The following ARHGAP6 variants were observed in gnomAD, a reference collection of about 807,000 sequenced individuals.
ARHGAP6 encodes Rho GTPase activating protein 6.
ARHGAP6 carries 16 observed loss-of-function variants against 55.7 expected under a neutral mutation model. The observed-to-expected ratio is 0.29, with a 90% CI of 0.19 to 0.44. ARHGAP6 has a LOEUF of 0.44. Among genes scored for constraint, ARHGAP6 ranks in the 20% least tolerant of loss-of-function variants. The pLI, the probability that ARHGAP6 is intolerant of heterozygous loss-of-function variation, is 1.00. For missense variants in ARHGAP6, 698 were observed against 808.9 expected, an observed-to-expected ratio of 0.86 and a Z score of 1.66; for synonymous variants, 382 against 360.9, an observed-to-expected ratio of 1.06 and a Z score of -0.66.
intron 1 of ARHGAP6, among the ~76,000 whole-genome samples, chrX:11,638,246 CAA>C (rs749055109): frequency 1.8e-3 from 201 of 111,651 alleles, no homozygotes; most frequent in Non-Finnish European, 3.2e-3. Flanking sequence ...AAGAAAATGA[CAA>C]AGTCAAAAAA....
chrX:11,435,291 G>C (rs910673965), intron 1 of ARHGAP6, among the ~76,000 whole-genome samples: 5 of 112,484 alleles, frequency 4.4e-5, no homozygotes, highest in Non-Finnish European at 9.4e-5. Flanking sequence ...CTAAGCATCA[G>C]ACTGGGACTT....
chrX:11,273,120 C>T (rs901566220), intron 1 of ARHGAP6, among the ~76,000 whole-genome samples: 1 of 110,561 alleles, frequency 9.0e-6, no homozygotes, highest in Admixed American at 9.6e-5. Flanking sequence ...CCTCCCCAAA[C>T]CTCACCCTTT....
At chrX:11,248,391 T>TAAAAAGAAA in intron 2 of ARHGAP6, among the ~76,000 whole-genome samples, 1 of 111,297 alleles carries the variant, frequency 9.0e-6, no homozygotes, top group East Asian at 2.8e-4. Flanking sequence ...CAAAAGCAAA[T>TAAAAAGAAA]GCAATAAAAA....
intron 9 of ARHGAP6, among the ~76,000 whole-genome samples, chrX:11,157,433 G>A (rs1198545302): frequency 8.9e-6 from 1 of 111,847 alleles, no homozygotes; most frequent in Non-Finnish European, 1.9e-5. Context: ...ATCCAGTAGA[G>A]TTCTATAGAT....
At chrX:11,528,990 C>T (rs1239520210) in intron 1 of ARHGAP6, among the ~76,000 whole-genome samples, 1 of 112,055 alleles carries the variant, frequency 8.9e-6, no homozygotes, top group Non-Finnish European at 1.9e-5. Context: ...TCTAGACTTT[C>T]TATCCCTGAA....
At chrX:11,578,959 T>C (rs1033974788) in intron 1 of ARHGAP6, among the ~76,000 whole-genome samples, 6 of 99,894 alleles carry the variant, frequency 6.0e-5, no homozygotes, top group African/African-American at 2.3e-4. Flanking sequence ...ATGTTTTCAC[T>C]CATAGATGAG....
intron 1 of ARHGAP6, among the ~76,000 whole-genome samples, chrX:11,586,915 T>C (rs755958851): frequency 8.9e-6 from 1 of 112,235 alleles, no homozygotes; most frequent in African/African-American, 3.2e-5. Context: ...TTCTAGGTAA[T>C]TTTAATCTTT....
At chrX:11,617,172 T>C (rs1259875487) in intron 1 of ARHGAP6, among the ~76,000 whole-genome samples, 1 of 112,222 alleles carries the variant, frequency 8.9e-6, no homozygotes, top group Non-Finnish European at 1.9e-5. Flanking sequence ...CTCATTGATA[T>C]TTTTATATTG....
intron 1 of ARHGAP6, among the ~76,000 whole-genome samples, chrX:11,502,890 CT>C (rs1192505358): frequency 9.1e-6 from 1 of 109,447 alleles, no homozygotes; most frequent in Non-Finnish European, 1.9e-5. Context: ...TGCAGATTTT[CT>C]TTTTTTTCTT....
At chrX:11,356,665 T>C (rs2048934391) in intron 1 of ARHGAP6, among the ~76,000 whole-genome samples, 1 of 111,653 alleles carries the variant, frequency 9.0e-6, no homozygotes, top group Non-Finnish European at 1.9e-5. Context: ...CTTTTTAAAA[T>C]ATACTTTTTA....
intron 1 of ARHGAP6, among the ~76,000 whole-genome samples, chrX:11,485,774 C>T (rs925408363): frequency 9.0e-5 from 10 of 111,335 alleles, no homozygotes; most frequent in Middle Eastern, 9.2e-3. Flanking sequence ...TTTGCAGGTT[C>T]GTGAGGAAGG....
intron 1 of ARHGAP6, among the ~76,000 whole-genome samples, chrX:11,279,748 A>G (rs1390318516): frequency 9.0e-6 from 1 of 111,434 alleles, no homozygotes; most frequent in Non-Finnish European, 1.9e-5. Context: ...TGCCAAGTGC[A>G]TCACATTAAT....
intron 1 of ARHGAP6, among the ~76,000 whole-genome samples, chrX:11,363,413 G>C (rs1187984162): frequency 8.9e-6 from 1 of 112,143 alleles, no homozygotes; most frequent in Non-Finnish European, 1.9e-5. Flanking sequence ...TCAATATTTA[G>C]CTCAGGCCAA....
At chrX:11,414,843 C>A (rs1371329370) in intron 1 of ARHGAP6, among the ~76,000 whole-genome samples, 1 of 111,729 alleles carries the variant, frequency 9.0e-6, no homozygotes, top group African/African-American at 3.2e-5. Context: ...ATTCAGAAAT[C>A]TTTTAAAAGT....
intron 1 of ARHGAP6, among the ~76,000 whole-genome samples, chrX:11,429,525 A>G (rs900339275): frequency 8.9e-6 from 1 of 112,409 alleles, no homozygotes; most frequent in Non-Finnish European, 1.9e-5. Context: ...TAAAAATAAA[A>G]ATAAATTTAA....
chrX:11,312,673 G>C (rs970094912), intron 1 of ARHGAP6, among the ~76,000 whole-genome samples: 28 of 111,716 alleles, frequency 2.5e-4, no homozygotes, highest in African/African-American at 9.1e-4. Context: ...CGCTTAATCA[G>C]TGTTGTTGTG....
chrX:11,512,941 C>T (rs776098346), intron 1 of ARHGAP6, among the ~76,000 whole-genome samples: 3 of 111,962 alleles, frequency 2.7e-5, no homozygotes, highest in African/African-American at 6.5e-5. Context: ...ACATCAATAG[C>T]TAACTGAAAC....
At chrX:11,593,048 T>C (rs1209916591) in intron 1 of ARHGAP6, among the ~76,000 whole-genome samples, 1 of 112,319 alleles carries the variant, frequency 8.9e-6, no homozygotes, top group African/African-American at 3.2e-5. Context: ...AACTCATCAG[T>C]TAGTTGTTTC....
intron 1 of ARHGAP6, among the ~76,000 whole-genome samples, chrX:11,624,983 G>T (rs1367890603): frequency 8.9e-6 from 1 of 112,065 alleles, no homozygotes; most frequent in African/African-American, 3.2e-5. Flanking sequence ...AATTAAAATG[G>T]CTTATATCCA....
Sources: gnomAD v4.1 joint callset for allele counts (sites outside exome capture counted in the v4.1 genomes callset) on GRCh38, gnomAD v4.1.1 for gene constraint, MANE v1.5 for transcripts, NCBI Gene and HGNC (gene_info 2026-07-23, HGNC 2026-07-21) for gene names.